MED4: variants seen among roughly 807,000 people sequenced by gnomAD.
The protein encoded by MED4 is mediator complex subunit 4.
MED4 carries 21 observed loss-of-function variants against 35.0 expected under a neutral mutation model. That is an observed-to-expected ratio of 0.60 (90% CI 0.43 to 0.86). MED4 has a LOEUF of 0.86. Ranked by LOEUF, MED4 falls within the 40% of genes least tolerant of loss-of-function variation. The pLI is 0.00. For missense variants in MED4, 300 were observed against 319.4 expected (o/e 0.94, Z 0.46); for synonymous variants, 138 against 114.0 (o/e 1.21, Z -1.34).
intron 5 of MED4, among the ~76,000 whole-genome samples, chr13:48,080,312 G>A (rs372347606): frequency 6.8e-6 from 1 of 146,406 alleles, no homozygotes; most frequent in East Asian, 2.0e-4. Flanking sequence ...CAGGAGAATC[G>A]CTTGAACCCG....
At chr13:48,085,256 A>G (rs960920413) in intron 3 of MED4, among the ~76,000 whole-genome samples, 12 of 143,286 alleles carry the variant, frequency 8.4e-5, no homozygotes, top group African/African-American at 3.3e-4. Context: ...ACTGCAACCT[A>G]TGCCTCCCAG....
chr13:48,083,521 G>C, intron 3 of MED4, 93 bp from the exon 4 acceptor site: 1 of 917,984 alleles, frequency 1.1e-6, no homozygotes, highest in South Asian at 1.6e-5. Context: ...TAGCCTACAA[G>C]AACAATCTTT....
chr13:48,084,457 T>C (rs977563719), intron 3 of MED4, among the ~76,000 whole-genome samples: 2 of 152,190 alleles, frequency 1.3e-5, no homozygotes, highest in African/African-American at 4.8e-5. Flanking sequence ...GCACAGGGCC[T>C]GGTGCCTAAG....
At chr13:48,079,663 C>G in intron 6 of MED4, 181 bp downstream of exon 6, 1 of 579,716 alleles carries the variant, frequency 1.7e-6, no homozygotes, top group Non-Finnish European at 2.8e-6. Flanking sequence ...TCACTTGAAC[C>G]TGGGAGCCAA....
intron 1 of MED4, among the ~76,000 whole-genome samples, chr13:48,091,456 C>G (rs1408559430): frequency 6.6e-6 from 1 of 152,152 alleles, no homozygotes; most frequent in Admixed American, 6.5e-5. Context: ...TCACTGGCTA[C>G]CAGGCTATTT....
chr13:48,083,231 G>C (rs1479267042), intron 4 of MED4, 140 bp downstream of exon 4: 10 of 635,926 alleles, frequency 1.6e-5, no homozygotes, highest in Non-Finnish European at 2.3e-5. Flanking sequence ...CACAATGCTA[G>C]AACACAACAC....
At chr13:48,081,777 A>G in intron 4 of MED4, 46 bp from the exon 5 acceptor site, 4 of 1,228,702 alleles carry the variant, frequency 3.3e-6, no homozygotes, top group Non-Finnish European at 4.6e-6. Context: ...TCTAACAAAC[A>G]TACAAGTTTA....
intron 2 of MED4, among the ~76,000 whole-genome samples, chr13:48,089,269 C>T (rs2137838833): frequency 6.6e-6 from 1 of 152,330 alleles, no homozygotes; most frequent in South Asian, 2.1e-4. Flanking sequence ...ATCCCCTCCT[C>T]CCCTTTTGAG....
intron 6 of MED4, 43 bp from the exon 7 acceptor site, chr13:48,077,354 A>AATTAATCT (rs750425255): frequency 7.4e-7 from 1 of 1,355,374 alleles, no homozygotes; most frequent in Non-Finnish European, 9.7e-7. Flanking sequence ...CTCTATCTGT[A>AATTAATCT]ATTAATCTAG....
chr13:48,082,288 C>A (rs1344383562), intron 4 of MED4, among the ~76,000 whole-genome samples: 3 of 151,256 alleles, frequency 2.0e-5, no homozygotes, highest in African/African-American at 7.3e-5. Context: ...TACATACTCA[C>A]AGATCTAGAA....
intron 6 of MED4, among the ~76,000 whole-genome samples, chr13:48,077,786 T>C (rs1202637672): frequency 6.6e-6 from 1 of 152,226 alleles, no homozygotes; most frequent in Non-Finnish European, 1.5e-5. Context: ...GTTGATATTT[T>C]AGCAACTGGG....
At position 48,076,313 on chromosome 13, in the gene MED4, A is replaced by G. The variant is rs1246840433; in HGVS notation, c.*826T>C. The stretch of plus-strand genomic sequence containing the variant: ...TTAAAAATGACTCCTGGGGAACTGT[A>G]AGAAGAGGAAGGTGAAGGGAAGAAA... On this transcript the variant is annotated 3_prime_UTR_variant, in exon 7 of 7. Coordinates refer to ENST00000258648, the MANE Select transcript of MED4 (RefSeq NM_014166.4). The G allele has an allele frequency of 2.0e-5, 3 of 152,212 alleles. No homozygotes were observed. The highest frequency in any genetic ancestry group is 4.4e-5 in the Non-Finnish European group (3 of 68,014). The allele number at this position is 152,212 out of a possible 1,614,324, so 9.4% of individuals were successfully genotyped here. A position where few individuals can be genotyped will look rare whatever the true frequency, so the allele number is the denominator to read the frequency against.
chr13:48,087,192 C>T lies in MED4; in HGVS notation c.193-740G>A, dbSNP rs1950854614. ...ACCAGCCTGACCAACATGGAGAAAC[C>T]CCATCTCTACTGAAAATACAAAATT... On this transcript the variant is annotated intron_variant, in intron 2 of 6. Coordinates refer to ENST00000258648, the MANE Select transcript of MED4 (RefSeq NM_014166.4). Among the ~76,000 whole-genome samples, 3 of 151,558 alleles carry T rather than the reference C, an allele frequency of 2.0e-5. No individual in the cohort carries two copies. The South Asian group carries it at 6.3e-4, about 32-fold the overall frequency.
At chr13:48,078,472 G>A (rs1950778409) in intron 6 of MED4, among the ~76,000 whole-genome samples, 4 of 152,240 alleles carry the variant, frequency 2.6e-5, no homozygotes, top group Admixed American at 2.6e-4. Flanking sequence ...CTCTAAAGGT[G>A]GTTTCCTAGC....
intron 2 of MED4, 68 bp downstream of exon 2, chr13:48,090,284 A>G: frequency 8.0e-7 from 1 of 1,242,432 alleles, no homozygotes; most frequent in Non-Finnish European, 1.1e-6. Context: ...AAACTTGCAG[A>G]AATCAAGTTT....
At chr13:48,094,359 T>C (rs1434813795) in intron 1 of MED4, among the ~76,000 whole-genome samples, 1 of 152,062 alleles carries the variant, frequency 6.6e-6, no homozygotes, top group African/African-American at 2.4e-5. Flanking sequence ...AAGAACGACA[T>C]CTAATTTCAT....
chr13:48,092,082 G>A (rs565147398), intron 1 of MED4, among the ~76,000 whole-genome samples: 43 of 152,124 alleles, frequency 2.8e-4, no homozygotes, highest in Admixed American at 1.1e-3. Flanking sequence ...TTATAGTTAT[G>A]GTAAAGATTA....
chr13:48,083,527 T>C (rs1052743848), intron 3 of MED4, 99 bp from the exon 4 acceptor site: 56 of 837,782 alleles, frequency 6.7e-5, no homozygotes, highest in Non-Finnish European at 1.0e-4. Context: ...ACAAGAACAA[T>C]CTTTGAAACT....
rs997295191 is a variant in MED4, at chr13:48,076,610, T to A, written c.*529A>T. ...TACAAACAAATTTATTTACAAAAAT[T>A]ACAATTACAAACTGTACAAATTGAG... On this transcript the variant is annotated 3_prime_UTR_variant, in exon 7 of 7. Coordinates refer to ENST00000258648, the MANE Select transcript of MED4 (RefSeq NM_014166.4). The A allele has an allele frequency of 1.3e-5, 2 of 152,112 alleles. No individual in the cohort carries two copies. The highest frequency in any genetic ancestry group is 2.9e-5 in the Non-Finnish European group (2 of 68,012). 9.4% of individuals were successfully genotyped at this position (152,112 alleles called of 1,614,324 possible).
Sources: gnomAD v4.1 joint callset for allele counts (sites outside exome capture counted in the v4.1 genomes callset) on GRCh38, gnomAD v4.1.1 for gene constraint, MANE v1.5 for transcripts, NCBI Gene and HGNC (gene_info 2026-07-23, HGNC 2026-07-21) for gene names.